C19orf47: variants seen among roughly 807,000 people sequenced by gnomAD.
The protein encoded by C19orf47 is uncharacterized protein C19orf47.
C19orf47 carries 18 observed loss-of-function variants against 32.3 expected under a neutral mutation model. The observed-to-expected ratio is 0.56, with a 90% CI of 0.39 to 0.83. The LOEUF (loss-of-function observed/expected upper bound fraction) is 0.83, where lower values mean the gene tolerates loss of function less well. C19orf47 is among the 40% of genes least tolerant of loss of function. The pLI is 0.00. For missense variants in C19orf47, 484 were observed against 531.6 expected (o/e 0.91, Z 0.88); for synonymous variants, 202 against 211.1 (o/e 0.96, Z 0.37).
the C19orf47 span, among the ~76,000 whole-genome samples, chr19:40,303,742 T>G: frequency 6.9e-6 from 1 of 144,206 alleles, no homozygotes; most frequent in East Asian, 2.0e-4. Context: ...AGACAGAGGT[T>G]GCAATGAGCC....
the C19orf47 span, among the ~76,000 whole-genome samples, chr19:40,310,659 T>C: frequency 6.6e-6 from 1 of 152,206 alleles, no homozygotes; most frequent in Non-Finnish European, 1.5e-5. Flanking sequence ...AAGCTCTTTA[T>C]GTACTAATAT....
chr19:40,341,950 C>T (rs2078186239), intron 1 of C19orf47, 60 bp from the exon 2 acceptor site: 5 of 1,535,640 alleles, frequency 3.3e-6, no homozygotes, highest in East Asian at 4.9e-5. Context: ...GTTTGTCCCT[C>T]TCCTGTGCCT....
At position 40,321,813 on chromosome 19, in the gene C19orf47, G is replaced by A; in HGVS notation, c.*69C>T. 6.9e-7 allele frequency: 1 copy of A among 1,455,560 alleles called. No homozygotes were observed. The highest frequency in any genetic ancestry group is 9.0e-7 in the Non-Finnish European group (1 of 1,106,366). 90.2% of individuals were successfully genotyped at this position (1,455,560 alleles called of 1,614,324 possible). ...AGGAGCTGGTGGGAGGCGTGATGAA[G>A]CCAGGAGCCTGGGGCGGCCAGGGCA... On this transcript the variant is annotated 3_prime_UTR_variant, in exon 9 of 9. Coordinates refer to ENST00000683109, the MANE Select transcript of C19orf47 (RefSeq NM_001256441.2).
rs1169094168 is a variant in C19orf47 at position 40,322,232 on chromosome 19, G to C, written c.808C>G (p.Pro270Ala). The C allele has an allele frequency of 6.2e-7, 1 of 1,609,460 alleles. No individual in the cohort carries two copies. The highest frequency in any genetic ancestry group is 1.1e-5 in the South Asian group (1 of 91,082). The change falls in exon 9 of 9, where the codon CCC becomes GCC. Residue 270 changes from proline to alanine, a missense_variant. By Grantham distance (27) the Pro-to-Ala change is conservative. This residue lies in a region of C19orf47 where 376 missense variants were observed against 370.2 expected (regional missense o/e 1.02). Coordinates refer to ENST00000683109, the MANE Select transcript of C19orf47 (RefSeq NM_001256441.2). The stretch of plus-strand genomic sequence containing the variant: ...GCTTTGACAGTCAGTGCTGGCTGGG[G>C]ACTGGCCTTGGCTGGGCCCCGTCCT... ...KLGRGPAKAS[P>A]QPALTVKAKA...
chr19:40,348,362 C>T lies in C19orf47; in HGVS notation c.-72G>A. The T allele has an allele frequency of 7.1e-7, 1 of 1,405,324 alleles. No homozygotes were observed. 87.1% of individuals were successfully genotyped at this position (1,405,324 alleles called of 1,614,324 possible). ...CCCGCGCCCACTCGCGCCGCCCGCC[C>T]TCCCTCCCGGCGGCGCCAACTGTCA... On this transcript the variant is annotated 5_prime_UTR_variant, in exon 1 of 9. Transcript: ENST00000683109.
In C19orf47 at chr19:40,320,753, T is replaced by C. The variant is rs1397149379; in HGVS notation, c.*1129A>G. 8 of 152,552 alleles carry C rather than the reference T, an allele frequency of 5.2e-5. No homozygotes were observed. Among genetic ancestry groups the C allele is most frequent in the African/African-American group, 1.9e-4 (8 of 41,304 alleles). The allele number at this position is 152,552 out of a possible 1,614,324, so 9.4% of individuals were successfully genotyped here. On this transcript the variant is annotated 3_prime_UTR_variant, in exon 9 of 9. Coordinates refer to ENST00000683109, the MANE Select transcript of C19orf47 (RefSeq NM_001256441.2). ...AGGGAGGGGTGGGCGACCAAACCAG[T>C]GGAAACTCATGGTCTCACAAACGGA...
rs1600217064 is a variant in C19orf47 at position 40,342,201 on chromosome 19, A to G, written c.-33-311T>C. ...TCTGGCCAAGACTTTAACAATAAAT[A>G]CCAGCCAAGCATGCTGGCTCATGCC... On this transcript the variant is annotated intron_variant, in intron 1 of 8. Transcript: ENST00000683109. 1.3e-5 allele frequency: 6 copies of G among 445,210 alleles called. No homozygotes were observed. The South Asian group carries it at 1.5e-4, about 11-fold the overall frequency. The allele number at this position is 445,210 out of a possible 1,614,324, so 27.6% of individuals were successfully genotyped here. A position where few individuals can be genotyped will look rare whatever the true frequency, so the allele number is the denominator to read the frequency against.
chr19:40,313,992 T>A, the C19orf47 span, among the ~76,000 whole-genome samples: 12 of 151,330 alleles, frequency 7.9e-5, no homozygotes, highest in East Asian at 2.3e-3. Flanking sequence ...GCACATCTCA[T>A]GCCTAGATCT....
the C19orf47 span, among the ~76,000 whole-genome samples, chr19:40,306,566 C>T: frequency 6.6e-6 from 1 of 151,614 alleles, no homozygotes; most frequent in East Asian, 2.0e-4. Context: ...TCACGCCCAG[C>T]TGATTTTTGT....
chr19:40,322,795 A>C (rs1241017251), intron 8 of C19orf47, among the ~76,000 whole-genome samples: 1 of 152,206 alleles, frequency 6.6e-6, no homozygotes, highest in African/African-American at 2.4e-5. Context: ...AGTGCTAGGG[A>C]CACAGTGATG....
the C19orf47 span, among the ~76,000 whole-genome samples, chr19:40,311,607 C>A: frequency 6.6e-6 from 1 of 152,026 alleles, no homozygotes; most frequent in African/African-American, 2.4e-5. Context: ...TTACCCCACA[C>A]CTTGCGCTTT....
At chr19:40,338,324 T>C (rs1000453126) in intron 2 of C19orf47, among the ~76,000 whole-genome samples, 1 of 145,770 alleles carries the variant, frequency 6.9e-6, no homozygotes, top group Non-Finnish European at 1.5e-5. Flanking sequence ...TATACACAAA[T>C]ATATATATAC....
chr19:40,348,512 C>T (rs1261437471), upstream of C19orf47: 2 of 1,486,538 alleles, frequency 1.3e-6, no homozygotes, highest in Non-Finnish European at 1.8e-6. Flanking sequence ...CGGCCATAAC[C>T]ATCACGTGAC....
chr19:40,342,824 G>A (rs556600044), intron 1 of C19orf47, among the ~76,000 whole-genome samples: 2 of 152,180 alleles, frequency 1.3e-5, no homozygotes, highest in Non-Finnish European at 2.9e-5. Context: ...GCATGCTGGA[G>A]GGAAAGCAAG....
Position 40,322,164 on chromosome 19 carries a change from C to T in C19orf47, c.876G>A (p.Leu292=). ...SSATTAAAPT[L]RRLALSSRSG... ...ACCGTGAGGAAAGCGCCAGGCGCCG[C>T]AGTGTCGGGGCAGCAGCCGTTGTCG... is the stretch of plus-strand genomic sequence containing the variant. The change falls in exon 9 of 9, where the codon CTG becomes CTA. Residue 292 remains leucine, a synonymous_variant. Transcript: ENST00000683109. 6.2e-7 allele frequency: 1 copy of T among 1,613,404 alleles called. No individual in the cohort carries two copies. Among genetic ancestry groups the T allele is most frequent in the Non-Finnish European group, 8.5e-7 (1 of 1,179,936 alleles).
intron 4 of C19orf47, 46 bp downstream of exon 4, chr19:40,336,064 C>T: frequency 1.3e-6 from 2 of 1,572,410 alleles, no homozygotes; most frequent in South Asian, 2.2e-5. Flanking sequence ...TGACCCTCCA[C>T]CTCCATGCCA....
At chr19:40,345,883 C>A (rs543670027) in intron 1 of C19orf47, among the ~76,000 whole-genome samples, 1 of 137,590 alleles carries the variant, frequency 7.3e-6, no homozygotes, top group Non-Finnish European at 1.5e-5. Flanking sequence ...GGTGGCTGGG[C>A]GCAGTGGCTC....
rs1481122587 is a variant in C19orf47, at chr19:40,327,830, G to A, written c.439+583C>T. On this transcript the variant is annotated intron_variant, in intron 6 of 8. Coordinates refer to ENST00000683109, the MANE Select transcript of C19orf47 (RefSeq NM_001256441.2). Reference sequence around the variant, plus strand: ...CACCAGGAGCAAAGGCCCCATGATGGGAAGGAGGCTGGAGGGGAGCAAGCG... The same window carrying A: ...CACCAGGAGCAAAGGCCCCATGATGAGAAGGAGGCTGGAGGGGAGCAAGCG... Among the ~76,000 whole-genome samples, 3 of 152,176 alleles carry A rather than the reference G, an allele frequency of 2.0e-5. 1 individual carries two copies. The highest frequency in any genetic ancestry group is 7.2e-5 in the African/African-American group (3 of 41,428).
rs2078375064 is a variant in C19orf47, at chr19:40,348,362, C to G, written c.-72G>C. 2.8e-6 allele frequency: 4 copies of G among 1,405,324 alleles called. No individual in the cohort carries two copies. Among genetic ancestry groups the G allele is most frequent in the East Asian group, 3.1e-5 (1 of 32,444 alleles). 87.1% of individuals were successfully genotyped at this position (1,405,324 alleles called of 1,614,324 possible). A position where few individuals can be genotyped will look rare whatever the true frequency, so the allele number is the denominator to read the frequency against. On this transcript the variant is annotated 5_prime_UTR_variant, in exon 1 of 9. Transcript: ENST00000683109. ...CCCGCGCCCACTCGCGCCGCCCGCC[C>G]TCCCTCCCGGCGGCGCCAACTGTCA...
Sources: allele counts gnomAD v4.1 joint callset (sites outside exome capture counted in the v4.1 genomes callset), GRCh38; gene constraint gnomAD v4.1.1; regional missense constraint gnomAD v4.1.1; transcripts MANE v1.5; gene names NCBI Gene and HGNC (gene_info 2026-07-23, HGNC 2026-07-21).